The following IL6R variants were observed in gnomAD, a reference collection of about 807,000 sequenced individuals.
IL6R encodes the protein interleukin 6 receptor, also known as interleukin-6 receptor subunit alpha.
A neutral mutation model predicts 48.3 loss-of-function variants in IL6R; 38 were observed. The observed-to-expected ratio is 0.79, with a 90% CI of 0.61 to 1.03. The LOEUF (loss-of-function observed/expected upper bound fraction) is 1.03. Among genes scored for constraint, IL6R ranks in the 50% least tolerant of loss-of-function variants. IL6R has a pLI of 0.00. For synonymous variants in IL6R, 264 were observed against 256.2 expected (o/e 1.03, Z -0.29); for missense variants, 534 against 618.3 (o/e 0.86, Z 1.45).
rs7537407 is a variant in IL6R at position 154,461,085 on chromosome 1, G to A, written c.1161-4049G>A. 6.6e-3 allele frequency among the ~76,000 whole-genome samples: 1,003 copies of A among 152,302 alleles called. 8 individuals carry two copies. Among genetic ancestry groups the A allele is most frequent in the African/African-American group, 0.023 (941 of 41,566 alleles). On this transcript the variant is annotated intron_variant, in intron 9 of 9. Transcript: ENST00000368485. ...ATCGGGGGCCCTTCCCTTTTAGGTAGCTGAAGCAGAGAGCAGGCAGCATAT... is the reference window on the plus strand; with the variant it reads ...ATCGGGGGCCCTTCCCTTTTAGGTAACTGAAGCAGAGAGCAGGCAGCATAT...
intron 1 of IL6R, among the ~76,000 whole-genome samples, chr1:154,406,246 G>C (rs545333509): frequency 9.2e-5 from 14 of 152,310 alleles, no homozygotes; most frequent in African/African-American, 3.1e-4. Context: ...CTGACATCAC[G>C]GGCGCTGAGT....
At chr1:154,406,076 T>C (rs1235784069) in intron 1 of IL6R, among the ~76,000 whole-genome samples, 1 of 152,160 alleles carries the variant, frequency 6.6e-6, no homozygotes, top group Non-Finnish European at 1.5e-5. Flanking sequence ...AAGGGGAGAC[T>C]GCCCGAGAGG....
At chr1:154,435,863 C>T in intron 5 of IL6R, 106 bp from the exon 6 acceptor site, 1 of 1,023,856 alleles carries the variant, frequency 9.8e-7, no homozygotes, top group Non-Finnish European at 1.4e-6. Context: ...CTAGAGGCCT[C>T]TGCCAGCTGA....
chr1:154,430,443 C>T, intron 2 of IL6R, 40 bp from the exon 3 acceptor site: 1 of 1,607,110 alleles, frequency 6.2e-7, no homozygotes, highest in African/African-American at 1.3e-5. Context: ...GCCCCAGGAT[C>T]CCCGCCCGCC....
chr1:154,422,539 G>T (rs973127807), intron 1 of IL6R, among the ~76,000 whole-genome samples: 4 of 152,140 alleles, frequency 2.6e-5, no homozygotes, highest in African/African-American at 9.7e-5. Flanking sequence ...GCTTCAATAT[G>T]GAGTTTTTTT....
chr1:154,440,324 G>GC (rs1191833795), intron 6 of IL6R, among the ~76,000 whole-genome samples: 1 of 152,312 alleles, frequency 6.6e-6, no homozygotes, highest in Admixed American at 6.5e-5. Flanking sequence ...CACTGGGTTT[G>GC]CTTCCCCATT....
Position 154,430,538 on chromosome 1 carries a change from T to C in IL6R, c.390T>C (p.Val130=), listed in dbSNP as rs1216444889. 1.2e-6 allele frequency: 2 copies of C among 1,614,142 alleles called. No individual in the cohort carries two copies. The highest frequency in any genetic ancestry group is 2.7e-5 in the African/African-American group (2 of 75,040). ...TCCGGAAGAGCCCCCTCAGCAATGT[T>C]GTTTGTGAGTGGGGTCCTCGGAGCA... is the stretch of plus-strand genomic sequence containing the variant. ...SCFRKSPLSN[V]VCEWGPRSTP... is the part of the protein sequence containing the mutation. Residue 130 remains valine (V), a synonymous_variant, in exon 3 of 10, where the codon GTT becomes GTC. Transcript: ENST00000368485.
intron 1 of IL6R, among the ~76,000 whole-genome samples, chr1:154,428,665 G>A (rs1339414323): frequency 6.6e-6 from 1 of 152,202 alleles, no homozygotes; most frequent in East Asian, 1.9e-4. Flanking sequence ...AGAGAGACAC[G>A]GAATTCGTAA....
At chr1:154,416,317 T>G (rs900959370) in intron 1 of IL6R, among the ~76,000 whole-genome samples, 1 of 151,484 alleles carries the variant, frequency 6.6e-6, no homozygotes, top group Non-Finnish European at 1.5e-5. Context: ...AATTTTTTTT[T>G]TTTTTTTTGT....
chr1:154,408,718 G>A (rs1019474179), intron 1 of IL6R, among the ~76,000 whole-genome samples: 3 of 151,948 alleles, frequency 2.0e-5, no homozygotes, highest in East Asian at 1.9e-4. Context: ...CCCTTCCCCC[G>A]TCTCCTGAAT....
chr1:154,445,384 G>A (rs921514156), intron 6 of IL6R, among the ~76,000 whole-genome samples: 2 of 152,122 alleles, frequency 1.3e-5, no homozygotes, highest in Admixed American at 6.5e-5. Flanking sequence ...GGCTGTGTTG[G>A]GGGTCAGGAC....
chr1:154,447,620 A>G (rs1690342244), intron 6 of IL6R, among the ~76,000 whole-genome samples: 2 of 150,826 alleles, frequency 1.3e-5, no homozygotes, highest in Admixed American at 6.7e-5. Flanking sequence ...TGCATTATGT[A>G]GTTATGTCAT....
chr1:154,428,392 G>A (rs2149233735), intron 1 of IL6R, among the ~76,000 whole-genome samples: 1 of 152,192 alleles, frequency 6.6e-6, no homozygotes, highest in South Asian at 2.1e-4. Context: ...TGGGCATCTG[G>A]GCCAGTCTCT....
At chr1:154,414,826 A>G in intron 1 of IL6R, 2 of 750,320 alleles carry the variant, frequency 2.7e-6, no homozygotes, top group Admixed American at 1.9e-5. Context: ...CAGCAGGAAG[A>G]GGAGATTGAG....
chr1:154,422,559 T>C (rs1050654927), intron 1 of IL6R, among the ~76,000 whole-genome samples: 2 of 152,088 alleles, frequency 1.3e-5, no homozygotes, highest in Admixed American at 1.3e-4. Flanking sequence ...TTTTCCTGGA[T>C]TAGGAACTTC....
chr1:154,450,387 G>A (rs1690521460), intron 8 of IL6R, among the ~76,000 whole-genome samples: 1 of 152,094 alleles, frequency 6.6e-6, no homozygotes, highest in Non-Finnish European at 1.5e-5. Flanking sequence ...GCCTCCCAAA[G>A]TGCTGACATT....
At chr1:154,427,151 T>G (rs1326220312) in intron 1 of IL6R, among the ~76,000 whole-genome samples, 1 of 152,116 alleles carries the variant, frequency 6.6e-6, no homozygotes, top group Non-Finnish European at 1.5e-5. Flanking sequence ...ATCTCTTGAC[T>G]TGTGATCCGT....
At position 154,405,622 on chromosome 1, in the gene IL6R, G is replaced by A. The variant is rs1558292691; in HGVS notation, c.-8G>A. ...GCGGGACCATGGAGTGGTAGCCGAG[G>A]AGGAAGCATGCTGGCCGTCGGCTGC... On this transcript the variant is annotated 5_prime_UTR_variant, in exon 1 of 10. Transcript: ENST00000368485. This position sits in a 1 kb window ranked among gnomAD's most constrained non-coding sequence, Gnocchi z 5.2. 6.5e-7 allele frequency: 1 copy of A among 1,532,136 alleles called. No homozygotes were observed. Among genetic ancestry groups the A allele is most frequent in the Non-Finnish European group, 8.7e-7 (1 of 1,146,772 alleles). The allele number at this position is 1,532,136 out of a possible 1,614,324, so 94.9% of individuals were successfully genotyped here. A position where few individuals can be genotyped will look rare whatever the true frequency, so the allele number is the denominator to read the frequency against.
Position 154,434,916 on chromosome 1 carries a change from G to A in IL6R, c.641-74G>A. 3.3e-6 allele frequency: 5 copies of A among 1,513,930 alleles called. No homozygotes were observed. The Admixed American group carries it at 7.2e-5, about 22-fold the overall frequency. 93.8% of individuals were successfully genotyped at this position (1,513,930 alleles called of 1,614,324 possible). A position where few individuals can be genotyped will look rare whatever the true frequency, so the allele number is the denominator to read the frequency against. On this transcript the variant is annotated intron_variant, in intron 4 of 9. Transcript: ENST00000368485. ...GGGGCTGGGTGGGGCCCTGCTTGCT[G>A]GGATCTCAGCCTACATGGGCTTCTC... is the stretch of plus-strand genomic sequence containing the variant.
Sources: allele counts gnomAD v4.1 joint callset (sites outside exome capture counted in the v4.1 genomes callset), GRCh38; gene constraint gnomAD v4.1.1; non-coding constraint Gnocchi (gnomAD v3.1); transcripts MANE v1.5; gene names NCBI Gene and HGNC (gene_info 2026-07-23, HGNC 2026-07-21).